Variants in ANKFN1 observed in about 807,000 individuals in gnomAD.
ANKFN1 encodes ankyrin repeat and fibronectin type-III domain-containing protein 1.
In ANKFN1, 74 loss-of-function variants were observed where a neutral mutation model predicts 108.7. That is an observed-to-expected ratio of 0.68 (90% CI 0.56 to 0.83). The LOEUF is 0.83. Among genes scored for constraint, ANKFN1 ranks in the 40% least tolerant of loss-of-function variants. The probability of loss-of-function intolerance (pLI) is 0.00; values close to 1 mark genes in which losing one functional copy is unlikely to be tolerated. For missense variants in ANKFN1, 1,505 were observed against 1,382.3 expected (o/e 1.09, Z -1.41); for synonymous variants, 547 against 516.2 (o/e 1.06, Z -0.81).
In ANKFN1 at chr17:56,510,929, A is replaced by T; in HGVS notation, c.3101A>T (p.Tyr1034Phe). 1.3e-6 allele frequency: 2 copies of T among 1,536,128 alleles called. No individual in the cohort carries two copies. Among genetic ancestry groups the T allele is most frequent in the Non-Finnish European group, 1.7e-6 (2 of 1,146,902 alleles). The change falls in exon 21 of 21, where the codon TAT becomes TTT. Residue 1034 changes from tyrosine to phenylalanine, a missense_variant. Coordinates refer to ENST00000682825, the MANE Select transcript of ANKFN1 (RefSeq NM_001370326.1). ...TCGCTATCGCTCTCTGAGGGCATTT[A>T]TACACAGCACCTGTCCCAGGCCTGT... Reference protein sequence around the residue: ...TQSLSLSEGIYTQHLSQACGL... With the variant: ...TQSLSLSEGIFTQHLSQACGL...
At chr17:56,206,783 G>A (rs1471737834) in intron 1 of ANKFN1, 1 of 152,154 alleles carries the variant, frequency 6.6e-6, no homozygotes, top group Non-Finnish European at 1.5e-5. Flanking sequence ...CATGCATCCT[G>A]TTTCCTTTCT....
At chr17:56,400,878 G>A (rs1289281625) in intron 8 of ANKFN1, among the ~76,000 whole-genome samples, 1 of 151,938 alleles carries the variant, frequency 6.6e-6, no homozygotes, top group Non-Finnish European at 1.5e-5. Flanking sequence ...TGTTTGCTTT[G>A]TCAAAAATCG....
intron 4 of ANKFN1, among the ~76,000 whole-genome samples, chr17:56,148,120 G>A (rs1908374220): frequency 6.6e-6 from 1 of 152,216 alleles, no homozygotes; most frequent in East Asian, 1.9e-4. Context: ...CTTTTTTCTT[G>A]TAGCTCTAAG....
chr17:56,350,615 C>A lies in ANKFN1; in HGVS notation c.189-151C>A, dbSNP rs1013515013. On this transcript the variant is annotated intron_variant, in intron 4 of 20. Transcript: ENST00000682825. ...TGGGTTTCAGCTTTCTCATTTAAAA[C>A]ATAAAAAAAGCTGGGTCTGATAATC... 2.0e-5 allele frequency: 14 copies of A among 707,876 alleles called. No individual in the cohort carries two copies. In the African/African-American group the frequency reaches 2.3e-4, roughly 12 times the overall value. The allele number at this position is 707,876 out of a possible 1,614,324, so 43.8% of individuals were successfully genotyped here. A position where few individuals can be genotyped will look rare whatever the true frequency, so the allele number is the denominator to read the frequency against.
At chr17:56,459,520 C>A (rs2049832488) in intron 14 of ANKFN1, among the ~76,000 whole-genome samples, 3 of 152,170 alleles carry the variant, frequency 2.0e-5, no homozygotes. Flanking sequence ...TCATCACTGA[C>A]CCACTTGAGT....
chr17:56,120,182 C>A (rs935753310), intron 4 of ANKFN1, among the ~76,000 whole-genome samples: 4 of 152,276 alleles, frequency 2.6e-5, no homozygotes, highest in African/African-American at 9.6e-5. Flanking sequence ...CTCTTGTCAT[C>A]ATTGTCATTA....
Position 56,307,284 on chromosome 17 carries a change from A to G in ANKFN1, c.54-18937A>G, listed in dbSNP as rs370260356. On this transcript the variant is annotated intron_variant, in intron 3 of 20. Coordinates refer to ENST00000682825, the MANE Select transcript of ANKFN1 (RefSeq NM_001370326.1). ...GCAAAAGAAACTACCATCAGAGTGA[A>G]CAGGCAACCTACAGAATGGGAGAAA... Among the ~76,000 whole-genome samples the G allele has an allele frequency of 4.9e-4, 74 of 152,336 alleles. 2 individuals carry two copies. The East Asian group carries it at 0.013, about 27-fold the overall frequency.
chr17:56,258,779 C>T (rs1319514573), intron 3 of ANKFN1, among the ~76,000 whole-genome samples: 6 of 152,032 alleles, frequency 3.9e-5, no homozygotes, highest in Non-Finnish European at 5.9e-5. Flanking sequence ...GGCATGGTGG[C>T]GGGCGCCTGT....
At chr17:56,373,851 G>A (rs976716756) in intron 7 of ANKFN1, among the ~76,000 whole-genome samples, 12 of 152,170 alleles carry the variant, frequency 7.9e-5, no homozygotes, top group African/African-American at 2.9e-4. Flanking sequence ...ACTAGAAACA[G>A]ACATATTTTC....
intron 3 of ANKFN1, 113 bp downstream of exon 3, chr17:56,228,070 C>T: frequency 1.2e-6 from 1 of 813,880 alleles, no homozygotes; most frequent in South Asian, 1.8e-5. Flanking sequence ...TCTAGCTCAG[C>T]ACACACAGCC....
chr17:56,500,977 G>A (rs1567710455), intron 20 of ANKFN1, among the ~76,000 whole-genome samples: 1 of 152,154 alleles, frequency 6.6e-6, no homozygotes, highest in Non-Finnish European at 1.5e-5. Flanking sequence ...AGTAGGGGTG[G>A]GAGTAGGCAG....
chr17:56,330,686 C>G (rs889473195), intron 4 of ANKFN1, among the ~76,000 whole-genome samples: 2 of 152,114 alleles, frequency 1.3e-5, no homozygotes, highest in African/African-American at 4.8e-5. Flanking sequence ...CAGTCCTGAA[C>G]AAACTAAGAC....
At chr17:56,128,766 CT>C (rs1907091885) in intron 4 of ANKFN1, among the ~76,000 whole-genome samples, 1 of 152,170 alleles carries the variant, frequency 6.6e-6, no homozygotes, top group South Asian at 2.1e-4. Flanking sequence ...CCACAGAACC[CT>C]TTTAGCTAAC....
rs1555653063 is a variant in ANKFN1 at position 56,437,973 on chromosome 17, G to GGGGTGTGTGTGTGTGTGT, written c.911-2353_911-2352insGGTGTGTGTGTGTGTGTG. Among the ~76,000 whole-genome samples, 338 of 142,266 alleles carry GGGGTGTGTGTGTGTGTGT rather than the reference G, an allele frequency of 2.4e-3. 2 individuals carry two copies. Among genetic ancestry groups the GGGGTGTGTGTGTGTGTGT allele is most frequent in the African/African-American group, 8.5e-3 (320 of 37,642 alleles). 93.3% of individuals were successfully genotyped at this position (142,266 alleles called of 152,430 possible). ...GTGTTGGAAAAACTAATCTACTGTA[G>GGGGTGTGTGTGTGTGTGT]GTGTGTGTGTGTGTGTGTGTGTGTG... On this transcript the variant is annotated intron_variant, in intron 8 of 20. Coordinates refer to ENST00000682825, the MANE Select transcript of ANKFN1 (RefSeq NM_001370326.1).
intron 1 of ANKFN1, among the ~76,000 whole-genome samples, chr17:56,159,832 G>T (rs1264074851): frequency 6.6e-6 from 1 of 152,106 alleles, no homozygotes; most frequent in Non-Finnish European, 1.5e-5. Flanking sequence ...CAGCTTTCCT[G>T]CATGTTGTTA....
chr17:56,372,505 T>A, intron 6 of ANKFN1, 141 bp from the exon 7 acceptor site: 1 of 726,390 alleles, frequency 1.4e-6, no homozygotes, highest in South Asian at 1.8e-5. Context: ...AGTAAGATAC[T>A]TGATAACAAA....
At chr17:56,093,812 G>A (rs117118509) in intron 4 of ANKFN1, among the ~76,000 whole-genome samples, 2,489 of 151,446 alleles carry the variant, frequency 0.016, 115 homozygotes, top group Non-Finnish European at 0.028. Flanking sequence ...TGTAACTGAT[G>A]AAGTTTCTTG....
intron 2 of ANKFN1, among the ~76,000 whole-genome samples, chr17:56,221,796 G>A (rs1230795407): frequency 6.6e-6 from 1 of 152,188 alleles, no homozygotes; most frequent in African/African-American, 2.4e-5. Context: ...GCAGGTTTTG[G>A]AAGTGGTGGT....
At chr17:56,473,612 C>G (rs540413787) in intron 15 of ANKFN1, 1 of 140,494 alleles carries the variant, frequency 7.1e-6, no homozygotes, top group Admixed American at 7.5e-5. Flanking sequence ...CGAGCCACCA[C>G]ACTCCAGCCT....
Sources: allele counts gnomAD v4.1 joint callset (sites outside exome capture counted in the v4.1 genomes callset), GRCh38; gene constraint gnomAD v4.1.1; transcripts MANE v1.5; gene names NCBI Gene and HGNC (gene_info 2026-07-23, HGNC 2026-07-21).